Variants in FTO observed in about 807,000 individuals in gnomAD.
FTO encodes the protein FTO alpha-ketoglutarate dependent dioxygenase.
In FTO, 47 loss-of-function variants were observed where a neutral mutation model predicts 63.9. The observed-to-expected ratio is 0.74, with a 90% CI of 0.58 to 0.94. The LOEUF (loss-of-function observed/expected upper bound fraction) is 0.94. Ranked by LOEUF, FTO falls within the 40% of genes least tolerant of loss-of-function variation. FTO has a pLI of 0.00. For missense variants in FTO, 562 were observed against 618.1 expected (o/e 0.91, Z 0.96); for synonymous variants, 207 against 224.4 (o/e 0.92, Z 0.69).
intron 3 of FTO, among the ~76,000 whole-genome samples, chr16:53,843,160 G>A (rs921845481): frequency 5.3e-5 from 8 of 152,050 alleles, no homozygotes; most frequent in African/African-American, 1.9e-4. Flanking sequence ...CTGATCTTTT[G>A]CTCTTACAAG....
At chr16:53,964,568 T>G (rs1307798043) in intron 8 of FTO, among the ~76,000 whole-genome samples, 1 of 152,240 alleles carries the variant, frequency 6.6e-6, no homozygotes, top group Non-Finnish European at 1.5e-5. Context: ...TTTAAGCACA[T>G]ACTAAAAGTG....
intron 1 of FTO, among the ~76,000 whole-genome samples, chr16:53,773,612 G>A (rs573978758): frequency 3.9e-5 from 6 of 152,242 alleles, no homozygotes; most frequent in African/African-American, 1.4e-4. Context: ...GTTTTTGTAC[G>A]TGATGGATTG....
intron 4 of FTO, among the ~76,000 whole-genome samples, chr16:53,872,487 C>T (rs986083965): frequency 1.3e-5 from 2 of 152,200 alleles, no homozygotes; most frequent in African/African-American, 4.8e-5. Context: ...TATTCTGTGG[C>T]ATTGAAACTG....
chr16:54,048,213 T>TA (rs1418052033), intron 8 of FTO, among the ~76,000 whole-genome samples: 16 of 97,786 alleles, frequency 1.6e-4, no homozygotes, highest in Admixed American at 8.7e-4. Context: ...CTGTTTAATG[T>TA]AAAAAAAAAT....
intron 3 of FTO, among the ~76,000 whole-genome samples, chr16:53,833,393 A>G (rs987433291): frequency 3.3e-5 from 5 of 152,212 alleles, no homozygotes; most frequent in Non-Finnish European, 5.9e-5. Context: ...CTTTTTAAAG[A>G]TGACTAATAT....
At chr16:53,909,799 G>C (rs1397244898) in intron 7 of FTO, among the ~76,000 whole-genome samples, 1 of 151,952 alleles carries the variant, frequency 6.6e-6, no homozygotes, top group Admixed American at 6.6e-5. Context: ...CCTGACCTCA[G>C]GTGATCCGCC....
At chr16:54,026,031 A>G (rs1488362590) in intron 8 of FTO, among the ~76,000 whole-genome samples, 1 of 152,064 alleles carries the variant, frequency 6.6e-6, no homozygotes, top group Non-Finnish European at 1.5e-5. Flanking sequence ...AAAATTACTT[A>G]TTTTTATTAG....
chr16:53,759,158 A>G (rs542250910), intron 1 of FTO, among the ~76,000 whole-genome samples: 1 of 152,360 alleles, frequency 6.6e-6, no homozygotes, highest in South Asian at 2.1e-4. Context: ...CCTTAAAGAA[A>G]GGATCATTTA....
intron 7 of FTO, among the ~76,000 whole-genome samples, chr16:53,920,943 G>A (rs2081993995): frequency 6.6e-6 from 1 of 152,122 alleles, no homozygotes; most frequent in Non-Finnish European, 1.5e-5. Context: ...TTTGGTTTGG[G>A]TATTGCTGAA....
intron 8 of FTO, among the ~76,000 whole-genome samples, chr16:53,938,650 A>C (rs1412142074): frequency 6.6e-6 from 1 of 152,250 alleles, no homozygotes; most frequent in Non-Finnish European, 1.5e-5. Flanking sequence ...ATGAGAATGT[A>C]GAAAGTTCCT....
intron 4 of FTO, among the ~76,000 whole-genome samples, chr16:53,858,220 A>T (rs1340109405): frequency 6.6e-6 from 1 of 152,188 alleles, no homozygotes; most frequent in African/African-American, 2.4e-5. Context: ...CATATTTAAC[A>T]TCTCTGAAAT....
At chr16:53,890,268 G>A (rs2151908779) in intron 7 of FTO, among the ~76,000 whole-genome samples, 1 of 152,072 alleles carries the variant, frequency 6.6e-6, no homozygotes, top group East Asian at 1.9e-4. Flanking sequence ...ATTTTATTGG[G>A]GTATGATTGC....
chr16:53,741,886 G>A (rs1313631957), intron 1 of FTO, among the ~76,000 whole-genome samples: 8 of 152,124 alleles, frequency 5.3e-5, no homozygotes, highest in African/African-American at 1.9e-4. Context: ...ACTTGACTGG[G>A]GTGGAGGGGA....
chr16:53,848,596 GA>G (rs1445721557), intron 4 of FTO, among the ~76,000 whole-genome samples: 1 of 150,936 alleles, frequency 6.6e-6, no homozygotes, highest in Non-Finnish European at 1.5e-5. Flanking sequence ...CACACTCAGA[GA>G]AAAAAAAATA....
rs576410322 is a variant in FTO at position 53,934,021 on chromosome 16, C to G, written c.1276C>G (p.Leu426Val). Residue 426 changes from leucine to valine, a missense_variant, in exon 8 of 9, where the codon CTC becomes GTC. Transcript: ENST00000471389. ...GCTTCATGAAGTTAAAAGAGAGGGG[C>G]TCCCCGTGGAACAAAGGAATGAAAT... ...AVLHEVKREG[L>V]PVEQRNEILT... is the part of the protein sequence containing the mutation. 2 of 1,613,902 alleles carry G rather than the reference C, an allele frequency of 1.2e-6. No homozygotes were observed. Among genetic ancestry groups the G allele is most frequent in the Non-Finnish European group, 1.7e-6 (2 of 1,179,792 alleles).
At chr16:54,050,281 G>A (rs1440468782) in intron 8 of FTO, among the ~76,000 whole-genome samples, 5 of 152,178 alleles carry the variant, frequency 3.3e-5, no homozygotes, top group African/African-American at 9.7e-5. Context: ...CTGAGAATAT[G>A]AAGCGGTCAT....
At chr16:53,782,080 G>A (rs1412493133) in intron 1 of FTO, among the ~76,000 whole-genome samples, 3 of 152,068 alleles carry the variant, frequency 2.0e-5, no homozygotes, top group Non-Finnish European at 2.9e-5. Flanking sequence ...ACAAGTGCCC[G>A]TATACCCAGA....
At chr16:53,845,084 G>A (rs2079583956) in intron 4 of FTO, among the ~76,000 whole-genome samples, 1 of 151,946 alleles carries the variant, frequency 6.6e-6, no homozygotes, top group African/African-American at 2.4e-5. Context: ...TTTCTTCTTT[G>A]CTGTAAGTTT....
At chr16:53,706,106 C>T (rs1440861365) in intron 1 of FTO, among the ~76,000 whole-genome samples, 1 of 152,120 alleles carries the variant, frequency 6.6e-6, no homozygotes, top group Non-Finnish European at 1.5e-5. Context: ...GCTTGTGAAA[C>T]ATGTTGAATT....
Sources: gnomAD v4.1 joint callset for allele counts (sites outside exome capture counted in the v4.1 genomes callset) on GRCh38, gnomAD v4.1.1 for gene constraint, MANE v1.5 for transcripts, NCBI Gene and HGNC (gene_info 2026-07-23, HGNC 2026-07-21) for gene names.